MEGF6: variants seen among roughly 807,000 people sequenced by gnomAD.
MEGF6 encodes the protein multiple epidermal growth factor-like domains protein 6.
A neutral mutation model predicts 207.1 loss-of-function variants in MEGF6; 184 were observed. The ratio of observed to expected loss-of-function variants is 0.89; its 90% CI spans 0.79 to 1.00. The LOEUF (loss-of-function observed/expected upper bound fraction) is 1.00. Among genes scored for constraint, MEGF6 ranks in the 50% least tolerant of loss-of-function variants. MEGF6 has a pLI of 0.00. For synonymous variants in MEGF6, 1,038 were observed against 910.0 expected (o/e 1.14, Z -2.53); for missense variants, 2,282 against 2,202.9 (o/e 1.04, Z -0.72).
intron 11 of MEGF6, 117 bp downstream of exon 11, chr1:3,509,753 G>A (rs1641263405): frequency 5.8e-6 from 8 of 1,381,842 alleles, no homozygotes; most frequent in Non-Finnish European, 5.7e-6. Context: ...AGAGGCCAGG[G>A]GGCAAAGGAC....
upstream of MEGF6, among the ~76,000 whole-genome samples, chr1:3,612,372 C>T (rs1028757849): frequency 6.6e-6 from 1 of 151,098 alleles, no homozygotes; most frequent in Non-Finnish European, 1.5e-5. Flanking sequence ...GAGGCTTCTG[C>T]GAAGCAAGAT....
intron 3 of MEGF6, among the ~76,000 whole-genome samples, chr1:3,587,296 C>T (rs1043445881): frequency 1.2e-4 from 18 of 152,272 alleles, no homozygotes; most frequent in Non-Finnish European, 2.4e-4. Context: ...TCAGCATCTG[C>T]CCCGAAGGCT....
At chr1:3,602,644 C>A in intron 1 of MEGF6, 44 bp from the exon 2 acceptor site, 2 of 1,567,194 alleles carry the variant, frequency 1.3e-6, no homozygotes, top group East Asian at 2.3e-5. Context: ...CCACCCCCAG[C>A]CGGCAACACC....
intron 2 of MEGF6, among the ~76,000 whole-genome samples, chr1:3,598,694 C>T (rs1321952467): frequency 3.0e-5 from 4 of 134,154 alleles, no homozygotes; most frequent in African/African-American, 6.1e-5. Context: ...TCACGCAGGG[C>T]GGGGGTCGTC....
At chr1:3,518,420 G>A (rs2794362) in intron 5 of MEGF6, among the ~76,000 whole-genome samples, 1 of 152,094 alleles carries the variant, frequency 6.6e-6, no homozygotes, top group African/African-American at 2.4e-5. Flanking sequence ...AAATGTGAGG[G>A]TGAAGCTCTG....
intron 4 of MEGF6, among the ~76,000 whole-genome samples, chr1:3,578,520 G>A (rs556943067): frequency 1.3e-5 from 2 of 148,470 alleles, no homozygotes. Flanking sequence ...ACAGGGCAAT[G>A]ACAGGGCAGG....
chr1:3,532,448 G>A (rs1035854282), intron 4 of MEGF6, among the ~76,000 whole-genome samples: 4 of 152,218 alleles, frequency 2.6e-5, no homozygotes, highest in African/African-American at 9.6e-5. Flanking sequence ...AGTGATCCCT[G>A]CCTGGGACCA....
At chr1:3,593,830 C>A (rs1438602131) in intron 3 of MEGF6, among the ~76,000 whole-genome samples, 2 of 151,608 alleles carry the variant, frequency 1.3e-5, no homozygotes, top group Admixed American at 6.5e-5. Context: ...CTGGCCAGCA[C>A]CCCCCTCCCT....
At chr1:3,493,510 C>G in intron 34 of MEGF6, 1 of 554,026 alleles carries the variant, frequency 1.8e-6, no homozygotes, top group Non-Finnish European at 3.2e-6. Flanking sequence ...AGAGCCCCCT[C>G]CCATGACCAT....
At chr1:3,505,398 C>CCCTG (rs762755724) in intron 16 of MEGF6, 24 bp downstream of exon 16, 4 of 1,578,942 alleles carry the variant, frequency 2.5e-6, no homozygotes, top group Non-Finnish European at 3.4e-6. Flanking sequence ...GCCCCCCGCC[C>CCCTG]CCAGACCCCA....
At chr1:3,554,713 T>C (rs1015863211) in intron 4 of MEGF6, among the ~76,000 whole-genome samples, 29 of 152,324 alleles carry the variant, frequency 1.9e-4, no homozygotes, top group African/African-American at 6.0e-4. Context: ...TCCTCTCCTG[T>C]GCCAGCCTCT....
intron 5 of MEGF6, among the ~76,000 whole-genome samples, chr1:3,520,879 T>G (rs1641721331): frequency 1.3e-5 from 2 of 152,240 alleles, no homozygotes; most frequent in East Asian, 1.9e-4. Context: ...AAGGCCCCCC[T>G]CAGGTGCAGC....
chr1:3,503,700 T>C (rs1332676672), intron 17 of MEGF6, among the ~76,000 whole-genome samples: 1 of 146,454 alleles, frequency 6.8e-6, no homozygotes, highest in African/African-American at 2.5e-5. Context: ...TGTGCATGTA[T>C]GTGTGTATGT....
rs1641372937 is a variant in MEGF6, at chr1:3,512,095, C to T, written c.887G>A (p.Cys296Tyr). ...CTGGGTGTTGAGGCAGCCATGGGCA[C>T]ACTGGGCCAGCCCTGCGGCACATTC... ...VDECAAGLAQ[C>Y]AHGCLNTQGS... The change falls in exon 8 of 37, where the codon TGT becomes TAT. Residue 296 changes from cysteine (C) to tyrosine (Y), a missense_variant. Coordinates refer to ENST00000356575, the MANE Select transcript of MEGF6 (RefSeq NM_001409.4). 8 of 1,611,692 alleles carry T rather than the reference C, an allele frequency of 5.0e-6. No homozygotes were observed. Among genetic ancestry groups the T allele is most frequent in the East Asian group, 2.2e-5 (1 of 44,854 alleles).
At chr1:3,499,540 TG>T (rs1222068559) in intron 23 of MEGF6, 47 bp downstream of exon 23, 2 of 1,547,152 alleles carry the variant, frequency 1.3e-6, no homozygotes, top group South Asian at 2.4e-5. Context: ...ACGGAGGACC[TG>T]GCACCCCCTC....
chr1:3,619,945 G>A, the MEGF6 span, among the ~76,000 whole-genome samples: 5 of 152,322 alleles, frequency 3.3e-5, no homozygotes, highest in South Asian at 2.1e-4. Context: ...GGTTCTGACC[G>A]AAATGCTGAT....
chr1:3,498,803 C>A lies in MEGF6; in HGVS notation c.3118G>T (p.Asp1040Tyr), dbSNP rs1252003338. The change falls in exon 25 of 37, where the codon GAC becomes TAC. Residue 1040 changes from aspartate to tyrosine, a missense_variant. Asp to Tyr is a radical substitution (Grantham distance 160). Transcript: ENST00000356575. ...LQACPAGLYG[D>Y]NCRHSCLCQN... ...CAGAGGCAGGAATGCCGACAGTTGT[C>A]GCCGTACAGGCCGGCAGGGCAGGCT... 2 of 1,554,926 alleles carry A rather than the reference C, an allele frequency of 1.3e-6. No homozygotes were observed. The highest frequency in any genetic ancestry group is 8.7e-7 in the Non-Finnish European group (1 of 1,149,656).
At chr1:3,544,074 G>A (rs1354854652) in intron 4 of MEGF6, among the ~76,000 whole-genome samples, 3 of 152,286 alleles carry the variant, frequency 2.0e-5, no homozygotes, top group East Asian at 1.9e-4. Flanking sequence ...CACAGGAGGC[G>A]GGAGTGTGGT....
rs1385693433 is a variant in MEGF6, at chr1:3,492,699, C to T, written c.4456G>A (p.Asp1486Asn). The T allele has an allele frequency of 4.3e-5, 69 of 1,612,534 alleles. 2 individuals are homozygous for T. In the Admixed American group the frequency reaches 8.7e-4, roughly 20 times the overall value. Reference sequence around the variant, plus strand: ...CAGTGACACTGCCCACTGACAGGGTCGCAGTCAGCCCCACCCCCGCAGTCA... The same window carrying T: ...CAGTGACACTGCCCACTGACAGGGTTGCAGTCAGCCCCACCCCCGCAGTCA... ...HCDCGGGADC[D>N]PVSGQCHCVD... Residue 1486 changes from aspartate to asparagine, a missense_variant, in exon 35 of 37, where the codon GAC becomes AAC. Coordinates refer to ENST00000356575, the MANE Select transcript of MEGF6 (RefSeq NM_001409.4).
Sources: gnomAD v4.1 joint callset for allele counts (sites outside exome capture counted in the v4.1 genomes callset) on GRCh38, gnomAD v4.1.1 for gene constraint, MANE v1.5 for transcripts, NCBI Gene and HGNC (gene_info 2026-07-23, HGNC 2026-07-21) for gene names.